The following LOC400499 variants were observed in gnomAD, a reference collection of about 807,000 sequenced individuals.
chr16:11,460,692 C>G, the LOC400499 span: 1,135 of 1,447,702 alleles, frequency 7.8e-4, 7 homozygotes, highest in African/African-American at 0.015. Flanking sequence ...AGGGCCCGGC[C>G]CAGCCTGGCC....
At chr16:11,512,558 G>A in the LOC400499 span, among the ~76,000 whole-genome samples, 2 of 152,000 alleles carry the variant, frequency 1.3e-5, no homozygotes, top group Admixed American at 6.5e-5. Context: ...CCAGGATCAC[G>A]CCACTGGACT....
chr16:11,446,873 G>A, the LOC400499 span: 3 of 1,535,992 alleles, frequency 2.0e-6, no homozygotes, highest in African/African-American at 4.1e-5. Context: ...GTCTCCTGCA[G>A]GAGGAGGCTC....
At chr16:11,436,524 A>G in the LOC400499 span, among the ~76,000 whole-genome samples, 1 of 152,146 alleles carries the variant, frequency 6.6e-6, no homozygotes, top group Non-Finnish European at 1.5e-5. Context: ...CCATCTGCAA[A>G]GCAGGTTTAG....
At chr16:11,467,883 G>A in the LOC400499 span, among the ~76,000 whole-genome samples, 1 of 152,192 alleles carries the variant, frequency 6.6e-6, no homozygotes, top group African/African-American at 2.4e-5. Context: ...ACATGATTAA[G>A]CTAAGCTGAG....
the LOC400499 span, among the ~76,000 whole-genome samples, chr16:11,386,612 G>C: frequency 6.6e-6 from 1 of 152,212 alleles, no homozygotes; most frequent in Non-Finnish European, 1.5e-5. Context: ...CCATATGAGC[G>C]AGCCACGTTG....
At chr16:11,471,399 C>G in the LOC400499 span, 1 of 354,298 alleles carries the variant, frequency 2.8e-6, no homozygotes, top group Admixed American at 4.7e-5. Context: ...ATGATGTGCT[C>G]TGGGGTAACC....
the LOC400499 span, among the ~76,000 whole-genome samples, chr16:11,510,861 C>G: frequency 4.0e-5 from 6 of 151,554 alleles, no homozygotes; most frequent in African/African-American, 9.7e-5. Flanking sequence ...CTGAGCCCAG[C>G]GCGGAACTTC....
the LOC400499 span, among the ~76,000 whole-genome samples, chr16:11,444,485 G>C: frequency 1.3e-5 from 2 of 152,160 alleles, no homozygotes; most frequent in East Asian, 1.9e-4. Flanking sequence ...GCCCTGTTGG[G>C]ACACAGCCAC....
At chr16:11,416,055 G>C in the LOC400499 span, among the ~76,000 whole-genome samples, 1 of 151,144 alleles carries the variant, frequency 6.6e-6, no homozygotes, top group Non-Finnish European at 1.5e-5. Flanking sequence ...TCCCAGGTTC[G>C]AGTGATTCTT....
the LOC400499 span, chr16:11,383,540 A>G: frequency 1.7e-6 from 2 of 1,169,880 alleles, no homozygotes; most frequent in African/African-American, 1.6e-5. Context: ...CTTGAATGAC[A>G]ATTATTTGTC....
At chr16:11,476,673 CACAT>C in the LOC400499 span, 21 of 398,978 alleles carry the variant, frequency 5.3e-5, no homozygotes, top group South Asian at 2.4e-3. Flanking sequence ...ATCACACACT[CACAT>C]GCATGCATGC....
At chr16:11,385,291 G>A in the LOC400499 span, 1 of 1,232,192 alleles carries the variant, frequency 8.1e-7, no homozygotes, top group African/African-American at 1.6e-5. Flanking sequence ...GTCCGACTCA[G>A]CGTCAGCGAG....
At chr16:11,454,476 T>C in the LOC400499 span, among the ~76,000 whole-genome samples, 2 of 152,218 alleles carry the variant, frequency 1.3e-5, no homozygotes, top group East Asian at 1.9e-4. Context: ...AAGAAAAATC[T>C]GGACACAGAC....
At chr16:11,493,289 G>A in the LOC400499 span, among the ~76,000 whole-genome samples, 20 of 152,218 alleles carry the variant, frequency 1.3e-4, no homozygotes, top group South Asian at 1.4e-3. Context: ...GAGCAGGAAA[G>A]CAGCCATAGA....
the LOC400499 span, among the ~76,000 whole-genome samples, chr16:11,524,690 A>G: frequency 1.3e-5 from 2 of 151,988 alleles, no homozygotes; most frequent in African/African-American, 4.8e-5. Flanking sequence ...TCAGGCTGCT[A>G]AGAAAACTGC....
At chr16:11,479,605 A>C in the LOC400499 span, among the ~76,000 whole-genome samples, 1 of 152,128 alleles carries the variant, frequency 6.6e-6, no homozygotes, top group East Asian at 1.9e-4. Flanking sequence ...CCTGGACAAC[A>C]GACAGAGCAA....
chr16:11,391,090 T>A, the LOC400499 span, among the ~76,000 whole-genome samples: 1 of 152,176 alleles, frequency 6.6e-6, no homozygotes, highest in Non-Finnish European at 1.5e-5. Flanking sequence ...TTCACTGCCC[T>A]GGGGGTGGTC....
At chr16:11,459,923 C>A in the LOC400499 span, 2 of 1,483,848 alleles carry the variant, frequency 1.3e-6, no homozygotes, top group Non-Finnish European at 1.8e-6. Flanking sequence ...TCAGGGCGGG[C>A]CCCGAGTCAT....
the LOC400499 span, among the ~76,000 whole-genome samples, chr16:11,518,652 C>T: frequency 1.2e-4 from 19 of 152,104 alleles, no homozygotes; most frequent in Non-Finnish European, 2.8e-4. Context: ...TGGAGTCACC[C>T]AAGGCTTCTA....
Sources: gnomAD v4.1 joint callset for allele counts (sites outside exome capture counted in the v4.1 genomes callset) on GRCh38, gnomAD v4.1.1 for gene constraint, MANE v1.5 for transcripts.